Variants in IQCM observed in about 807,000 individuals in gnomAD.
The protein encoded by IQCM is IQ domain-containing protein M.
In IQCM, 45 loss-of-function variants were observed where a neutral mutation model predicts 57.6. The ratio of observed to expected loss-of-function variants is 0.78; its 90% CI spans 0.62 to 1.00. IQCM has a LOEUF of 1.00. Among genes scored for constraint, IQCM ranks in the 50% least tolerant of loss-of-function variants. IQCM has a pLI of 0.00. For missense variants in IQCM, 468 were observed against 511.6 expected (o/e 0.91, Z 0.82); for synonymous variants, 148 against 158.9 (o/e 0.93, Z 0.51).
At chr4:149,710,530 A>C (rs1764480922) in intron 5 of IQCM, among the ~76,000 whole-genome samples, 1 of 152,056 alleles carries the variant, frequency 6.6e-6, no homozygotes, top group South Asian at 2.1e-4. Context: ...TGCTCCTCCC[A>C]TTCAAGAAAA....
intron 2 of IQCM, among the ~76,000 whole-genome samples, chr4:149,798,949 C>T (rs1773360045): frequency 6.6e-6 from 1 of 151,816 alleles, no homozygotes; most frequent in African/African-American, 2.4e-5. Flanking sequence ...AAAAAGGAAA[C>T]ATTGGACTTA....
At chr4:149,757,324 T>C (rs1769070374) in intron 2 of IQCM, among the ~76,000 whole-genome samples, 2 of 151,608 alleles carry the variant, frequency 1.3e-5, no homozygotes, top group African/African-American at 2.4e-5. Context: ...AGCAGAAACC[T>C]AAATTAAGAT....
intron 12 of IQCM, among the ~76,000 whole-genome samples, chr4:149,523,248 C>T (rs1052353947): frequency 1.3e-5 from 2 of 152,118 alleles, no homozygotes; most frequent in Non-Finnish European, 1.5e-5. Flanking sequence ...TCTCCAAATA[C>T]CATCACACTG....
At chr4:149,494,057 T>C (rs1742393040) in intron 12 of IQCM, among the ~76,000 whole-genome samples, 2 of 151,506 alleles carry the variant, frequency 1.3e-5, no homozygotes, top group Non-Finnish European at 2.9e-5. Context: ...TTTTTAAGGG[T>C]TTTTTTGCAC....
At chr4:149,512,109 C>T (rs1186616485) in intron 12 of IQCM, among the ~76,000 whole-genome samples, 1 of 152,172 alleles carries the variant, frequency 6.6e-6, no homozygotes, top group Non-Finnish European at 1.5e-5. Context: ...AAAAGTTGTT[C>T]ATGGGCCACC....
intron 12 of IQCM, among the ~76,000 whole-genome samples, chr4:149,459,014 G>A (rs1215585958): frequency 6.6e-6 from 1 of 152,176 alleles, no homozygotes; most frequent in Non-Finnish European, 1.5e-5. Flanking sequence ...CTAGGTTATA[G>A]TGCAGTGGGG....
intron 2 of IQCM, among the ~76,000 whole-genome samples, chr4:149,792,490 T>G (rs1379274698): frequency 2.0e-5 from 3 of 152,178 alleles, no homozygotes; most frequent in African/African-American, 7.2e-5. Context: ...ATGTTATTTT[T>G]ACAAAGTTAT....
chr4:149,812,196 G>T (rs1011929895), intron 2 of IQCM, among the ~76,000 whole-genome samples: 2 of 152,126 alleles, frequency 1.3e-5, no homozygotes, highest in Admixed American at 6.5e-5. Flanking sequence ...AAATACAAAT[G>T]CTTCTTTTAA....
chr4:149,561,720 T>C (rs1750138452), intron 10 of IQCM, among the ~76,000 whole-genome samples: 1 of 152,154 alleles, frequency 6.6e-6, no homozygotes, highest in Non-Finnish European at 1.5e-5. Context: ...ATGGAGTATA[T>C]ATTATGTGTC....
chr4:149,380,690 AG>A (rs1303777328), intron 13 of IQCM, among the ~76,000 whole-genome samples: 7 of 152,150 alleles, frequency 4.6e-5, no homozygotes, highest in African/African-American at 7.2e-5. Flanking sequence ...AGAGGAAATC[AG>A]GTATCAGGAA....
intron 8 of IQCM, among the ~76,000 whole-genome samples, chr4:149,603,813 C>CA (rs1231613725): frequency 1.3e-5 from 2 of 151,884 alleles, no homozygotes; most frequent in East Asian, 3.9e-4. Flanking sequence ...AAAATGTAGA[C>CA]AACATCCTAA....
chr4:149,428,514 T>C (rs1244348438), intron 13 of IQCM, among the ~76,000 whole-genome samples: 1 of 151,812 alleles, frequency 6.6e-6, no homozygotes, highest in African/African-American at 2.4e-5. Context: ...GTCATAATAA[T>C]CTACGCATAG....
intron 3 of IQCM, among the ~76,000 whole-genome samples, chr4:149,739,149 T>C (rs1158865445): frequency 6.6e-6 from 1 of 152,138 alleles, no homozygotes; most frequent in African/African-American, 2.4e-5. Flanking sequence ...ACTATACTTA[T>C]AACTTAATTT....
At chr4:149,802,673 C>G (rs749973081) in intron 2 of IQCM, among the ~76,000 whole-genome samples, 2 of 151,982 alleles carry the variant, frequency 1.3e-5, no homozygotes, top group Non-Finnish European at 2.9e-5. Flanking sequence ...CAGCTTCTTT[C>G]TTTTAGGATG....
intron 9 of IQCM, among the ~76,000 whole-genome samples, chr4:149,564,107 C>A (rs1260797345): frequency 2.0e-5 from 3 of 152,104 alleles, no homozygotes; most frequent in Non-Finnish European, 4.4e-5. Context: ...AACTAACCTT[C>A]TAATGAAAAG....
chr4:149,729,404 T>G lies in IQCM; in HGVS notation c.385+3840A>C, dbSNP rs143719430. Among the ~76,000 whole-genome samples the G allele has an allele frequency of 6.9e-3, 1,054 of 152,284 alleles. 7 individuals are homozygous for G. Among genetic ancestry groups the G allele is most frequent in the Middle Eastern group, 0.014 (4 of 294 alleles). On this transcript the variant is annotated intron_variant, in intron 5 of 13. Coordinates refer to ENST00000636793, the MANE Select transcript of IQCM (RefSeq NM_001363507.2). ...AAAAAATCTGTTAGGCTTTTTAATC[T>G]ATTTGCTTCCAGTTAATTCTGCCTG...
chr4:149,810,025 T>C (rs1774414328), intron 2 of IQCM, among the ~76,000 whole-genome samples: 1 of 137,556 alleles, frequency 7.3e-6, no homozygotes, highest in African/African-American at 3.3e-5. Context: ...TACAGATATA[T>C]ATCTTATCTC....
intron 7 of IQCM, among the ~76,000 whole-genome samples, chr4:149,633,167 C>CAAAAAA (rs71596216): frequency 4.4e-4 from 10 of 22,924 alleles, no homozygotes; most frequent in Non-Finnish European, 6.9e-4. Flanking sequence ...GACTCCGTCT[C>CAAAAAA]AAAAAAAAAA....
At chr4:149,665,601 C>G (rs1476459689) in intron 7 of IQCM, among the ~76,000 whole-genome samples, 1 of 152,140 alleles carries the variant, frequency 6.6e-6, no homozygotes, top group Non-Finnish European at 1.5e-5. Flanking sequence ...GAGACAAATG[C>G]CAAGCAACTC....
Sources: gnomAD v4.1 joint callset for allele counts (sites outside exome capture counted in the v4.1 genomes callset) on GRCh38, gnomAD v4.1.1 for gene constraint, MANE v1.5 for transcripts, NCBI Gene and HGNC (gene_info 2026-07-23, HGNC 2026-07-21) for gene names.